NUP98: variants seen among roughly 807,000 people sequenced by gnomAD.
NUP98 encodes nucleoporin 98 and 96 precursor.
A neutral mutation model predicts 191.9 loss-of-function variants in NUP98; 26 were observed. The ratio of observed to expected loss-of-function variants is 0.14; its 90% CI spans 0.10 to 0.19. NUP98 has a LOEUF of 0.19. Among genes scored for constraint, NUP98 ranks in the 10% least tolerant of loss-of-function variants. The pLI, the probability that NUP98 is intolerant of heterozygous loss-of-function variation, is 1.00. For synonymous variants in NUP98, 808 were observed against 778.4 expected (o/e 1.04, Z -0.63); for missense variants, 1,941 against 2,178.8 (o/e 0.89, Z 2.17).
chr11:3,778,805 G>A, intron 4 of NUP98, 68 bp downstream of exon 4: 1 of 1,490,294 alleles, frequency 6.7e-7, no homozygotes, highest in Non-Finnish European at 9.1e-7. Context: ...GAAAAACGGA[G>A]AAAAGACAAC....
At chr11:3,697,060 T>C (rs2078532316) in intron 25 of NUP98, 3 of 152,048 alleles carry the variant, frequency 2.0e-5, no homozygotes, top group Admixed American at 1.3e-4. Flanking sequence ...AATAAGTTCA[T>C]ACAAGATCAA....
At chr11:3,763,077 AATAGTTTC>A (rs1305631176) in intron 8 of NUP98, 38 bp from the exon 9 acceptor site, 1 of 1,582,008 alleles carries the variant, frequency 6.3e-7, no homozygotes, top group Admixed American at 1.9e-5. Flanking sequence ...GATATCCTGT[AATAGTTTC>A]CGTAACGAAT....
At chr11:3,761,550 G>C (rs1022609276) in intron 9 of NUP98, among the ~76,000 whole-genome samples, 4 of 152,142 alleles carry the variant, frequency 2.6e-5, no homozygotes, top group Non-Finnish European at 4.4e-5. Context: ...ACGAGGTCAG[G>C]AGTTCGAGAC....
intron 4 of NUP98, among the ~76,000 whole-genome samples, chr11:3,776,235 C>A (rs763398612): frequency 6.6e-6 from 1 of 151,124 alleles, no homozygotes; most frequent in Non-Finnish European, 1.5e-5. Flanking sequence ...AATACTCCTG[C>A]CTCAGCCTCC....
At chr11:3,779,117 C>G in intron 3 of NUP98, 39 bp downstream of exon 3, 2 of 1,613,118 alleles carry the variant, frequency 1.2e-6, no homozygotes, top group Admixed American at 3.3e-5. Context: ...CCTATACTAG[C>G]TACAAACAAA....
chr11:3,742,699 CAAAAAAAA>C (rs35895691), intron 12 of NUP98, among the ~76,000 whole-genome samples: 5 of 82,890 alleles, frequency 6.0e-5, no homozygotes, highest in Non-Finnish European at 1.2e-4. Flanking sequence ...ACTCTGTCTC[CAAAAAAAA>C]AAAAAAAAAA....
At chr11:3,712,355 C>G (rs2079045023) in intron 20 of NUP98, 1 of 1,374,612 alleles carries the variant, frequency 7.3e-7, no homozygotes. Context: ...ATAATCCAAA[C>G]AGCAAGAGAA....
At chr11:3,696,827 A>C (rs2078523636) in intron 25 of NUP98, 1 of 131,676 alleles carries the variant, frequency 7.6e-6, no homozygotes, top group South Asian at 2.6e-4. Context: ...AACAAAAACA[A>C]AACAAAAAAC....
chr11:3,788,390 C>A (rs1222932702), intron 1 of NUP98, among the ~76,000 whole-genome samples: 1 of 151,932 alleles, frequency 6.6e-6, no homozygotes, highest in African/African-American at 2.4e-5. Context: ...ATCACCTGAG[C>A]TCAGGAGTTC....
At chr11:3,756,795 A>G (rs183974789) in intron 10 of NUP98, among the ~76,000 whole-genome samples, 1 of 152,112 alleles carries the variant, frequency 6.6e-6, no homozygotes, top group Non-Finnish European at 1.5e-5. Flanking sequence ...TATCTTTAAA[A>G]AAATTTTGTC....
chr11:3,700,556 G>A (rs781689518), intron 24 of NUP98, 54 bp downstream of exon 24: 1 of 1,256,280 alleles, frequency 8.0e-7, no homozygotes, highest in South Asian at 1.3e-5. Context: ...GTGAACATAC[G>A]CTACCACCAC....
chr11:3,679,912 A>G (rs1017973441), intron 30 of NUP98: 1 of 583,110 alleles, frequency 1.7e-6, no homozygotes, highest in Non-Finnish European at 3.0e-6. Context: ...TAAAATCACA[A>G]ATTTTTTGGT....
Position 3,773,638 on chromosome 11 carries a change from T to C in NUP98, c.597A>G (p.Ser199=). ...ITAMKEYESK[S]LEELRLEDYQ... ...TGTATTGTATTTTACTGACCTCTAGTGACTTGCTTTCATATTCTTTCATAG... is the reference window on the plus strand; with the variant it reads ...TGTATTGTATTTTACTGACCTCTAGCGACTTGCTTTCATATTCTTTCATAG... Residue 199 remains serine (S), a synonymous_variant, in exon 6 of 33, where the codon TCA becomes TCG. Transcript: ENST00000324932. 1.9e-6 allele frequency: 3 copies of C among 1,588,156 alleles called. No individual in the cohort carries two copies. The highest frequency in any genetic ancestry group is 1.7e-5 in the Admixed American group (1 of 59,412).
At chr11:3,757,663 G>C (rs978674727) in intron 10 of NUP98, among the ~76,000 whole-genome samples, 10 of 151,946 alleles carry the variant, frequency 6.6e-5, no homozygotes, top group Non-Finnish European at 1.0e-4. Flanking sequence ...GCTGGGCGTG[G>C]TGGTGCATGC....
intron 16 of NUP98, 29 bp downstream of exon 16, chr11:3,723,128 G>GTTT (rs1455103885): frequency 6.2e-7 from 1 of 1,601,734 alleles, no homozygotes; most frequent in Non-Finnish European, 8.5e-7. Context: ...ACTGGTAAGA[G>GTTT]ATTAAACATG....
intron 12 of NUP98, among the ~76,000 whole-genome samples, chr11:3,738,960 T>C (rs2080178141): frequency 6.6e-6 from 1 of 152,048 alleles, no homozygotes; most frequent in East Asian, 1.9e-4. Context: ...CCACCATACC[T>C]GAGGTTTTTT....
At chr11:3,752,935 T>A (rs2080818552) in intron 11 of NUP98, among the ~76,000 whole-genome samples, 1 of 152,182 alleles carries the variant, frequency 6.6e-6, no homozygotes. Flanking sequence ...CAGCATGTGC[T>A]CTTATTGCTC....
intron 19 of NUP98, 49 bp from the exon 20 acceptor site, chr11:3,712,777 C>A (rs2079059163): frequency 6.4e-7 from 1 of 1,560,586 alleles, no homozygotes; most frequent in South Asian, 1.2e-5. Flanking sequence ...TATGCTTTCC[C>A]AATACCTGCC....
chr11:3,766,099 G>A (rs117526945), intron 8 of NUP98, among the ~76,000 whole-genome samples: 1 of 152,252 alleles, frequency 6.6e-6, no homozygotes, highest in African/African-American at 2.4e-5. Context: ...GTAAAGCCAG[G>A]TACAGCTGCT....
Sources: gnomAD v4.1 joint callset for allele counts (sites outside exome capture counted in the v4.1 genomes callset) on GRCh38, gnomAD v4.1.1 for gene constraint, MANE v1.5 for transcripts, NCBI Gene and HGNC (gene_info 2026-07-23, HGNC 2026-07-21) for gene names.